Variants in NBAS observed in about 807,000 individuals in gnomAD.
The protein encoded by NBAS is NBAS subunit of NRZ tethering complex, also known as NAG/BC035112 fusion.
A neutral mutation model predicts 302.5 loss-of-function variants in NBAS; 219 were observed. The observed-to-expected ratio is 0.72, with a 90% CI of 0.65 to 0.81. The LOEUF (loss-of-function observed/expected upper bound fraction) is 0.81. Among genes scored for constraint, NBAS ranks in the 30% least tolerant of loss-of-function variants. The pLI, the probability that NBAS is intolerant of heterozygous loss-of-function variation, is 0.00. For missense variants in NBAS, 2,932 were observed against 2,841.6 expected (o/e 1.03, Z -0.72); for synonymous variants, 1,118 against 1,021.6 (o/e 1.09, Z -1.80).
the NBAS span, among the ~76,000 whole-genome samples, chr2:15,023,281 TCAAA>T: frequency 1.3e-5 from 2 of 152,186 alleles, no homozygotes. Flanking sequence ...TGGTATGTGC[TCAAA>T]CACAGTTTAT....
intron 1 of NBAS, among the ~76,000 whole-genome samples, chr2:15,560,815 T>C (rs1573019078): frequency 6.6e-6 from 1 of 152,074 alleles, no homozygotes; most frequent in East Asian, 1.9e-4. Flanking sequence ...AGGGTCCAGA[T>C]AGGAGAAAGG....
chr2:14,818,076 C>T, the NBAS span, among the ~76,000 whole-genome samples: 2 of 152,154 alleles, frequency 1.3e-5, no homozygotes, highest in African/African-American at 4.8e-5. Flanking sequence ...CATGTTCCTG[C>T]ACACACCTCC....
chr2:15,168,786 C>T (rs1252273582), intron 51 of NBAS, among the ~76,000 whole-genome samples: 3 of 152,194 alleles, frequency 2.0e-5, no homozygotes, highest in South Asian at 2.1e-4. Context: ...CATGGCACCA[C>T]GCCTGGCTAA....
intron 21 of NBAS, among the ~76,000 whole-genome samples, chr2:15,443,547 T>C (rs2148520039): frequency 6.6e-6 from 1 of 151,438 alleles, no homozygotes; most frequent in Admixed American, 6.6e-5. Context: ...GCCAATATCA[T>C]ACTGAATGGG....
At chr2:14,870,484 T>C in the NBAS span, among the ~76,000 whole-genome samples, 32 of 152,188 alleles carry the variant, frequency 2.1e-4, no homozygotes, top group Admixed American at 1.3e-3. Context: ...CCATCTAACA[T>C]AGGGAATTGA....
chr2:15,559,062 CAA>C (rs70961421), intron 1 of NBAS, among the ~76,000 whole-genome samples: 111 of 50,414 alleles, frequency 2.2e-3, no homozygotes, highest in East Asian at 0.014. Flanking sequence ...GACCCTGCCT[CAA>C]AAAAAAAAAA....
At chr2:15,462,226 T>C (rs527916436) in intron 19 of NBAS, among the ~76,000 whole-genome samples, 2 of 152,330 alleles carry the variant, frequency 1.3e-5, no homozygotes, top group South Asian at 4.1e-4. Context: ...CCACTCACCA[T>C]GTGCTAAGGG....
rs925060187 is a variant in NBAS, at chr2:15,270,467, T to A, written c.5724+5017A>T. Among the ~76,000 whole-genome samples, 25 of 152,314 alleles carry A rather than the reference T, an allele frequency of 1.6e-4. 1 individual carries two copies. Among genetic ancestry groups the A allele is most frequent in the Middle Eastern group, 3.4e-3 (1 of 294 alleles). ...CATGAGCCACCATGCCCAGCCTGTCTTTAACTTCTAATATGATAAATATTA... is the reference window on the plus strand; with the variant it reads ...CATGAGCCACCATGCCCAGCCTGTCATTAACTTCTAATATGATAAATATTA... On this transcript the variant is annotated intron_variant, in intron 44 of 51. Coordinates refer to ENST00000281513, the MANE Select transcript of NBAS (RefSeq NM_015909.4).
At chr2:15,349,798 A>T (rs1301005542) in intron 35 of NBAS, among the ~76,000 whole-genome samples, 5 of 151,776 alleles carry the variant, frequency 3.3e-5, no homozygotes, top group East Asian at 2.0e-4. Flanking sequence ...AAAAATAAAT[A>T]AATTAATTAA....
chr2:15,098,649 TATATA>T, the NBAS span, among the ~76,000 whole-genome samples: 21 of 116,382 alleles, frequency 1.8e-4, no homozygotes, highest in East Asian at 2.7e-3. Context: ...TTATATATTG[TATATA>T]ATATATTATA....
intron 35 of NBAS, among the ~76,000 whole-genome samples, chr2:15,335,562 G>A (rs1424558109): frequency 6.6e-6 from 1 of 152,122 alleles, no homozygotes; most frequent in Non-Finnish European, 1.5e-5. Flanking sequence ...TGGTTTTAAC[G>A]TGCACCTCGC....
chr2:15,219,368 G>T (rs1001801653), intron 47 of NBAS, among the ~76,000 whole-genome samples: 1 of 131,072 alleles, frequency 7.6e-6, no homozygotes, highest in African/African-American at 2.9e-5. Context: ...GGTGTTTCTC[G>T]CAGAGGGGGA....
At chr2:15,089,831 C>A in the NBAS span, among the ~76,000 whole-genome samples, 1 of 148,456 alleles carries the variant, frequency 6.7e-6, no homozygotes, top group African/African-American at 2.5e-5. Flanking sequence ...TCACTGCAAC[C>A]TCTGCCTCCC....
At chr2:14,829,291 C>G in the NBAS span, among the ~76,000 whole-genome samples, 1 of 151,950 alleles carries the variant, frequency 6.6e-6, no homozygotes, top group African/African-American at 2.4e-5. Flanking sequence ...TCCTGCTGAG[C>G]AATAATAATG....
At chr2:15,321,403 A>G (rs1421149017) in intron 38 of NBAS, among the ~76,000 whole-genome samples, 1 of 152,238 alleles carries the variant, frequency 6.6e-6, no homozygotes, top group Non-Finnish European at 1.5e-5. Flanking sequence ...AGGGGATCTA[A>G]TTAAACTAAA....
the NBAS span, among the ~76,000 whole-genome samples, chr2:14,840,471 C>T: frequency 6.6e-6 from 1 of 151,772 alleles, no homozygotes; most frequent in South Asian, 2.1e-4. Flanking sequence ...AATAAAAAGG[C>T]ATAAGAAAAT....
chr2:15,474,267 C>T lies in NBAS; in HGVS notation c.1399G>A (p.Asp467Asn). 3.7e-6 allele frequency: 6 copies of T among 1,613,974 alleles called. No individual in the cohort carries two copies. The highest frequency in any genetic ancestry group is 5.1e-6 in the Non-Finnish European group (6 of 1,179,866). ...GAATCAGAATCCTCTTCTCCTTCAT[C>T]TTCTTCTCCAGCTCTAGTCTCCAAA... ...SRLETRAGEE[D>N]EGEEDSDSDY... The change falls in exon 15 of 52, where the codon GAT becomes AAT. Residue 467 changes from aspartate to asparagine, a missense_variant. Coordinates refer to ENST00000281513, the MANE Select transcript of NBAS (RefSeq NM_015909.4).
intron 6 of NBAS, among the ~76,000 whole-genome samples, chr2:15,547,295 A>C (rs1664160713): frequency 6.6e-6 from 1 of 152,236 alleles, no homozygotes; most frequent in Admixed American, 6.5e-5. Context: ...TTCTGCAGGC[A>C]CACACATGAA....
At chr2:14,992,800 C>T in the NBAS span, among the ~76,000 whole-genome samples, 1 of 152,270 alleles carries the variant, frequency 6.6e-6, no homozygotes, top group East Asian at 1.9e-4. Flanking sequence ...CCTCCACCAC[C>T]ACCTACAACC....
Sources: gnomAD v4.1 joint callset for allele counts (sites outside exome capture counted in the v4.1 genomes callset) on GRCh38, gnomAD v4.1.1 for gene constraint, MANE v1.5 for transcripts, NCBI Gene and HGNC (gene_info 2026-07-23, HGNC 2026-07-21) for gene names.